C22orf42: variants seen among roughly 807,000 people sequenced by gnomAD.
The protein encoded by C22orf42 is chromosome 22 open reading frame 42.
C22orf42 carries 24 observed loss-of-function variants against 31.4 expected under a neutral mutation model. The observed-to-expected ratio is 0.77, with a 90% CI of 0.55 to 1.08. The LOEUF (loss-of-function observed/expected upper bound fraction) is 1.08. Ranked by LOEUF, C22orf42 falls within the 50% of genes least tolerant of loss-of-function variation. C22orf42 has a pLI of 0.00. For synonymous variants in C22orf42, 96 were observed against 112.7 expected (o/e 0.85, Z 0.94); for missense variants, 276 against 327.3 (o/e 0.84, Z 1.21).
At chr22:32,152,732 T>C in intron 2 of C22orf42, 106 bp from the exon 3 acceptor site, 1 of 1,045,440 alleles carries the variant, frequency 9.6e-7, no homozygotes, top group Non-Finnish European at 1.5e-6. Context: ...GGTGGGCGGT[T>C]GACAGGCATG....
intron 3 of C22orf42, 123 bp from the exon 4 acceptor site, chr22:32,152,217 T>G (rs1333951559): frequency 1.7e-6 from 2 of 1,177,416 alleles, no homozygotes; most frequent in Non-Finnish European, 2.4e-6. Flanking sequence ...ATCAAGTCAC[T>G]GGCCCCCAAA....
At chr22:32,149,726 T>C (rs916249311) in intron 8 of C22orf42, 27 bp downstream of exon 8, 8 of 1,197,886 alleles carry the variant, frequency 6.7e-6, no homozygotes, top group African/African-American at 4.8e-5. Flanking sequence ...TATATATCTA[T>C]ATATATCTAG....
chr22:32,158,866 A>G (rs1921418064), intron 1 of C22orf42, 118 bp downstream of exon 1: 1 of 1,137,136 alleles, frequency 8.8e-7, no homozygotes, highest in Non-Finnish European at 1.3e-6. Context: ...AAAGCCGGCT[A>G]TGGGCAGGAG....
chr22:32,150,439 A>C lies in C22orf42; in HGVS notation c.534T>G (p.Leu178=), dbSNP rs1569332688. Residue 178 remains leucine, a synonymous_variant, in exon 7 of 9, where the codon CTT becomes CTG. Coordinates refer to ENST00000382097, the MANE Select transcript of C22orf42 (RefSeq NM_001010859.3). ...EDLSESLSVC[L]EDFMTSDLSE... ...TGAGATCCGATGTCATGAAGTCTTC[A>C]AGACAGACAGATAGGCTTTCACTGA... 1.3e-5 allele frequency: 21 copies of C among 1,614,172 alleles called. No individual in the cohort carries two copies. Among genetic ancestry groups the C allele is most frequent in the Non-Finnish European group, 1.8e-5 (21 of 1,180,008 alleles).
intron 1 of C22orf42, among the ~76,000 whole-genome samples, chr22:32,157,848 CA>C (rs1569336359): frequency 1.3e-5 from 2 of 152,300 alleles, no homozygotes; most frequent in Non-Finnish European, 2.9e-5. Flanking sequence ...CAGACCCACC[CA>C]ATGGCTCACA....
intron 4 of C22orf42, 93 bp downstream of exon 4, chr22:32,151,974 T>C: frequency 1.6e-6 from 2 of 1,275,000 alleles, no homozygotes; most frequent in African/African-American, 1.5e-5. Context: ...CCTGTGAATA[T>C]AGTAAAAACG....
chr22:32,155,057 G>C (rs1921189437), intron 1 of C22orf42, among the ~76,000 whole-genome samples: 1 of 152,172 alleles, frequency 6.6e-6, no homozygotes, highest in Non-Finnish European at 1.5e-5. Context: ...TAGACGTTTT[G>C]AGTGACTTGC....
chr22:32,149,747 A>G lies in C22orf42; in HGVS notation c.682+6T>C, dbSNP rs774416885. On this transcript the variant is annotated splice_donor_region_variant and intron_variant, in intron 8 of 8. Transcript: ENST00000382097. ...TCTATATATATCTAGATATATATAT[A>G]CTTACAGAGGTAATCTTCATATCTC... 476 of 1,410,504 alleles carry G rather than the reference A, an allele frequency of 3.4e-4. 3 individuals carry two copies. The highest frequency in any genetic ancestry group is 4.2e-4 in the Non-Finnish European group (450 of 1,063,890). The allele number at this position is 1,410,504 out of a possible 1,614,324, so 87.4% of individuals were successfully genotyped here.
chr22:32,152,305 C>T (rs1921006642), intron 3 of C22orf42, among the ~76,000 whole-genome samples: 2 of 152,078 alleles, frequency 1.3e-5, no homozygotes, highest in African/African-American at 2.4e-5. Flanking sequence ...CTGGCAAATA[C>T]AAAATTATTT....
At chr22:32,152,030 A>G (rs376888120) in intron 4 of C22orf42, 37 bp downstream of exon 4, 12 of 1,574,678 alleles carry the variant, frequency 7.6e-6, no homozygotes, top group Non-Finnish European at 1.0e-5. Context: ...CATGTCAACT[A>G]CATGTAAATA....
chr22:32,159,276 C>T lies in C22orf42; in HGVS notation c.-61G>A. 1 of 1,582,004 alleles carries T rather than the reference C, an allele frequency of 6.3e-7. No individual in the cohort carries two copies. The highest frequency in any genetic ancestry group is 1.7e-5 in the Admixed American group (1 of 58,150). On this transcript the variant is annotated 5_prime_UTR_variant, in exon 1 of 9. Coordinates refer to ENST00000382097, the MANE Select transcript of C22orf42 (RefSeq NM_001010859.3). ...CAAGGACAGAATGTAGTCGGAGCTC[C>T]TCCTCCTTCTACGGCCAGCTACCGA...
At chr22:32,158,941 CAG>C in intron 1 of C22orf42, 41 bp downstream of exon 1, 1 of 1,610,130 alleles carries the variant, frequency 6.2e-7, no homozygotes, top group Non-Finnish European at 8.5e-7. Flanking sequence ...CGGTGGTGGC[CAG>C]AGAGATGCCA....
intron 3 of C22orf42, among the ~76,000 whole-genome samples, 159 bp from the exon 4 acceptor site, chr22:32,152,253 A>C (rs878982422): frequency 1.3e-5 from 2 of 152,070 alleles, no homozygotes; most frequent in Admixed American, 6.6e-5. Flanking sequence ...GCTTGTGGAA[A>C]ATGCAGTGGG....
At chr22:32,153,054 A>G (rs1921058429) in intron 2 of C22orf42, among the ~76,000 whole-genome samples, 2 of 152,230 alleles carry the variant, frequency 1.3e-5, no homozygotes, top group African/African-American at 2.4e-5. Context: ...AGTGAAGCAT[A>G]CATATTTATC....
chr22:32,151,086 G>A (rs1271219281), intron 5 of C22orf42, 67 bp from the exon 6 acceptor site: 1 of 1,539,086 alleles, frequency 6.5e-7, no homozygotes, highest in Non-Finnish European at 8.9e-7. Flanking sequence ...GTTGGCAAAG[G>A]CCTTTTATTC....
At chr22:32,150,898 A>G in intron 6 of C22orf42, 94 bp downstream of exon 6, 3 of 1,289,374 alleles carry the variant, frequency 2.3e-6, no homozygotes, top group Non-Finnish European at 3.3e-6. Context: ...AACCCTGTGA[A>G]TATAGTAAAA....
chr22:32,151,255 G>A (rs2094112798), intron 5 of C22orf42, among the ~76,000 whole-genome samples: 2 of 152,048 alleles, frequency 1.3e-5, no homozygotes, highest in Admixed American at 6.5e-5. Context: ...AGGAGAAAAG[G>A]TTGCTACTGA....
At position 32,149,525 on chromosome 22, in the gene C22orf42, C is replaced by T; in HGVS notation, c.*15G>A. Reference sequence around the variant, plus strand: ...GCGTGATGGCAGGCGTCTGTAATCCCAGCTACTTGGAACACTAAAGCCGGA... The same window carrying T: ...GCGTGATGGCAGGCGTCTGTAATCCTAGCTACTTGGAACACTAAAGCCGGA... On this transcript the variant is annotated 3_prime_UTR_variant, in exon 9 of 9. Transcript: ENST00000382097. The T allele has an allele frequency of 6.5e-7, 1 of 1,527,140 alleles. No homozygotes were observed. The allele number at this position is 1,527,140 out of a possible 1,614,324, so 94.6% of individuals were successfully genotyped here.
intron 2 of C22orf42, among the ~76,000 whole-genome samples, chr22:32,153,017 T>C (rs1374302519): frequency 2.0e-5 from 3 of 152,234 alleles, no homozygotes; most frequent in Non-Finnish European, 4.4e-5. Flanking sequence ...ACATTGATCA[T>C]CTACCCTGTT....
Sources: gnomAD v4.1 joint callset for allele counts (sites outside exome capture counted in the v4.1 genomes callset) on GRCh38, gnomAD v4.1.1 for gene constraint, MANE v1.5 for transcripts, NCBI Gene and HGNC (gene_info 2026-07-23, HGNC 2026-07-21) for gene names.